TBC1D22A: variants seen among roughly 807,000 people sequenced by gnomAD.
TBC1D22A encodes putative GTPase activator.
A neutral mutation model predicts 60.2 loss-of-function variants in TBC1D22A; 38 were observed. The observed-to-expected ratio is 0.63, with a 90% CI of 0.49 to 0.83. The LOEUF (loss-of-function observed/expected upper bound fraction) is 0.83. Ranked by LOEUF, TBC1D22A falls within the 40% of genes least tolerant of loss-of-function variation. The pLI is 0.00. For synonymous variants in TBC1D22A, 302 were observed against 281.7 expected, an observed-to-expected ratio of 1.07 and a Z score of -0.72; for missense variants, 628 against 701.0, an observed-to-expected ratio of 0.90 and a Z score of 1.18.
intron 12 of TBC1D22A, among the ~76,000 whole-genome samples, chr22:47,129,943 G>A (rs368348680): frequency 2.0e-5 from 3 of 152,288 alleles, no homozygotes; most frequent in African/African-American, 7.2e-5. Context: ...TTTGTACAGC[G>A]GAAGAGGGAA....
intron 4 of TBC1D22A, among the ~76,000 whole-genome samples, chr22:46,863,535 A>C (rs1569146139): frequency 1.3e-5 from 2 of 152,140 alleles, no homozygotes; most frequent in Non-Finnish European, 2.9e-5. Context: ...AAGTTGGTCT[A>C]TCTGGTATCT....
chr22:46,850,397 T>C (rs1427296127), intron 4 of TBC1D22A, among the ~76,000 whole-genome samples: 1 of 152,204 alleles, frequency 6.6e-6, no homozygotes, highest in African/African-American at 2.4e-5. Flanking sequence ...CAGAACTCTT[T>C]TGGGAAGGTT....
intron 4 of TBC1D22A, among the ~76,000 whole-genome samples, chr22:46,856,916 G>A (rs1307886466): frequency 6.6e-6 from 1 of 152,184 alleles, no homozygotes; most frequent in Non-Finnish European, 1.5e-5. Context: ...TGGCTCAGAG[G>A]GTGCAAGCAT....
At chr22:47,138,198 G>A (rs2147134532) in intron 12 of TBC1D22A, among the ~76,000 whole-genome samples, 1 of 152,308 alleles carries the variant, frequency 6.6e-6, no homozygotes, top group East Asian at 1.9e-4. Flanking sequence ...AGGAAGAAGT[G>A]GCCAGAGCTA....
At chr22:46,904,066 G>A (rs1424816342) in intron 7 of TBC1D22A, among the ~76,000 whole-genome samples, 1 of 150,452 alleles carries the variant, frequency 6.6e-6, no homozygotes, top group Non-Finnish European at 1.5e-5. Context: ...ATATATATGT[G>A]TATGTATACA....
chr22:47,020,085 A>C (rs909710234), intron 10 of TBC1D22A, among the ~76,000 whole-genome samples: 4 of 152,054 alleles, frequency 2.6e-5, no homozygotes, highest in Non-Finnish European at 5.9e-5. Flanking sequence ...CCATCCATCC[A>C]TTCATGGAAA....
At chr22:46,803,640 A>G (rs2146974339) in intron 4 of TBC1D22A, among the ~76,000 whole-genome samples, 1 of 152,250 alleles carries the variant, frequency 6.6e-6, no homozygotes, top group East Asian at 1.9e-4. Flanking sequence ...GTGTGTGTTC[A>G]CCGTGCTTAC....
intron 11 of TBC1D22A, among the ~76,000 whole-genome samples, chr22:47,067,159 AGGAG>A (rs1221943427): frequency 2.0e-5 from 3 of 152,162 alleles, no homozygotes. Context: ...CCAGCTACTC[AGGAG>A]GCTGAGGCAC....
intron 4 of TBC1D22A, among the ~76,000 whole-genome samples, chr22:46,854,652 G>A (rs2087475336): frequency 6.6e-6 from 1 of 151,824 alleles, no homozygotes; most frequent in Admixed American, 6.6e-5. Flanking sequence ...CCCAGGCATT[G>A]AAGTAGCTTC....
chr22:46,766,455 A>T (rs1050867657), intron 1 of TBC1D22A, among the ~76,000 whole-genome samples: 1 of 152,208 alleles, frequency 6.6e-6, no homozygotes, highest in Admixed American at 6.5e-5. Context: ...TTTTGAGTGC[A>T]GCCCTCATCT....
At chr22:46,959,573 G>A (rs539225458) in intron 8 of TBC1D22A, among the ~76,000 whole-genome samples, 16 of 152,332 alleles carry the variant, frequency 1.1e-4, no homozygotes, top group Non-Finnish European at 1.9e-4. Flanking sequence ...GACCCCAGGA[G>A]GGAAAGGTCC....
intron 8 of TBC1D22A, among the ~76,000 whole-genome samples, chr22:46,919,493 A>G (rs1438623680): frequency 6.6e-6 from 1 of 152,202 alleles, no homozygotes; most frequent in Non-Finnish European, 1.5e-5. Context: ...TAACGTTGCT[A>G]TGAGTATTCA....
At chr22:46,774,491 C>T (rs796243210) in intron 1 of TBC1D22A, among the ~76,000 whole-genome samples, 8 of 152,332 alleles carry the variant, frequency 5.3e-5, no homozygotes, top group African/African-American at 1.9e-4. Flanking sequence ...CCTTTGAGTC[C>T]AGTTGCTTAG....
intron 11 of TBC1D22A, among the ~76,000 whole-genome samples, chr22:47,038,625 C>A (rs527290386): frequency 1.3e-5 from 2 of 152,320 alleles, no homozygotes; most frequent in South Asian, 4.1e-4. Context: ...TGCCCCAAAG[C>A]TTTGTTCCTG....
chr22:46,963,453 C>T (rs565780704), intron 8 of TBC1D22A, among the ~76,000 whole-genome samples: 8 of 121,204 alleles, frequency 6.6e-5, no homozygotes, highest in South Asian at 2.4e-4. Flanking sequence ...TGCTTTCTCC[C>T]GGCCAAGTGT....
At chr22:47,120,408 C>T (rs2066229523) in intron 12 of TBC1D22A, among the ~76,000 whole-genome samples, 1 of 152,224 alleles carries the variant, frequency 6.6e-6, no homozygotes, top group African/African-American at 2.4e-5. Context: ...TCTCCCCATA[C>T]AGTCTGCATG....
rs1231220636 is a variant in TBC1D22A, at chr22:46,904,050, A to ATG, written c.901-8022_901-8021dup. Among the ~76,000 whole-genome samples, 3 of 152,062 alleles carry ATG rather than the reference A, an allele frequency of 2.0e-5. No homozygotes were observed. The East Asian group carries it at 5.8e-4, about 29-fold the overall frequency. ...AAATGATATGAAATCTGTCATATATATGTATATATATATGTGTATGTATAC... is the reference window on the plus strand; with the variant it reads ...AAATGATATGAAATCTGTCATATATATGTGTATATATATATGTGTATGTATAC... On this transcript the variant is annotated intron_variant, in intron 7 of 12. Coordinates refer to ENST00000337137, the MANE Select transcript of TBC1D22A (RefSeq NM_014346.5).
Position 46,793,592 on chromosome 22 carries a change from G to T in TBC1D22A, c.211G>T (p.Ala71Ser). The T allele has an allele frequency of 6.2e-7, 1 of 1,614,034 alleles. No homozygotes were observed. The highest frequency in any genetic ancestry group is 8.5e-7 in the Non-Finnish European group (1 of 1,180,046). Reference protein sequence around the residue: ...FQEFESNTSDAWDAGEDDDEL... With the variant: ...FQEFESNTSDSWDAGEDDDEL... Reference sequence around the variant, plus strand: ...GGAGTTTGAGAGCAATACCAGCGATGCCTGGGACGCTGGGGAGGACGACGA... The same window carrying T: ...GGAGTTTGAGAGCAATACCAGCGATTCCTGGGACGCTGGGGAGGACGACGA... Residue 71 changes from alanine (A) to serine (S), a missense_variant, in exon 3 of 13, where the codon GCC becomes TCC. By Grantham distance (99) the Ala-to-Ser change is moderately conservative. Transcript: ENST00000337137.
At chr22:46,903,164 C>T (rs1308795935) in intron 7 of TBC1D22A, among the ~76,000 whole-genome samples, 1 of 152,234 alleles carries the variant, frequency 6.6e-6, no homozygotes, top group Non-Finnish European at 1.5e-5. Flanking sequence ...GCCTCACGCC[C>T]TGCAGGGGGT....
Sources: gnomAD v4.1 joint callset for allele counts (sites outside exome capture counted in the v4.1 genomes callset) on GRCh38, gnomAD v4.1.1 for gene constraint, MANE v1.5 for transcripts, NCBI Gene and HGNC (gene_info 2026-07-23, HGNC 2026-07-21) for gene names.